The following ADGRL2 variants were observed in gnomAD, a reference collection of about 807,000 sequenced individuals.
ADGRL2 encodes adhesion G protein-coupled receptor L2.
Under a neutral mutation model 157.4 loss-of-function variants are expected in ADGRL2, and 44 were observed. The ratio of observed to expected loss-of-function variants is 0.28; its 90% CI spans 0.22 to 0.36. The LOEUF is 0.36. Among genes scored for constraint, ADGRL2 ranks in the 10% least tolerant of loss-of-function variants. ADGRL2 has a pLI of 1.00. For missense variants in ADGRL2, 1,510 were observed against 1,768.9 expected, an observed-to-expected ratio of 0.85 and a Z score of 2.63; for synonymous variants, 585 against 624.7, an observed-to-expected ratio of 0.94 and a Z score of 0.95.
Position 81,595,343 on chromosome 1 carries a change from G to A in ADGRL2, c.-143+14363G>A, listed in dbSNP as rs145485220. ...CTGTACCTTCCCAGTAAACATGGGA[G>A]TAATAACATTTAGAGAATTGAAAGA... On this transcript the variant is annotated intron_variant, in intron 3 of 24. Coordinates refer to the ADGRL2 transcript ENST00000370721. Among the ~76,000 whole-genome samples the A allele has an allele frequency of 8.5e-3, 1,302 of 152,314 alleles. 32 individuals carry two copies. The highest frequency in any genetic ancestry group is 0.03 in the African/African-American group (1,232 of 41,566).
intron 3 of ADGRL2, among the ~76,000 whole-genome samples, chr1:81,629,956 TA>T (rs1290524019): frequency 6.6e-6 from 1 of 151,890 alleles, no homozygotes; most frequent in East Asian, 1.9e-4. Context: ...TAGGACAGGC[TA>T]AAAACTTTGG....
At chr1:81,554,850 G>A (rs1359457418) in intron 2 of ADGRL2, among the ~76,000 whole-genome samples, 1 of 152,074 alleles carries the variant, frequency 6.6e-6, no homozygotes, top group Non-Finnish European at 1.5e-5. Flanking sequence ...AACAAAAAGA[G>A]AAAGACTATA....
rs116900586 is a variant in ADGRL2 at position 81,908,610 on chromosome 1, G to A, written c.287+1380G>A. On this transcript the variant is annotated intron_variant, in intron 3 of 23. Coordinates refer to ENST00000686636, the MANE Select transcript of ADGRL2 (RefSeq NM_001366006.2). ...TTTTCAGTTTATTTGGGCAAATAAA[G>A]TACAATTGCTGGATTGTATAGTATG... is the stretch of plus-strand genomic sequence containing the variant. Among the ~76,000 whole-genome samples the A allele has an allele frequency of 2.7e-4, 41 of 152,238 alleles. No individual in the cohort carries two copies. In the East Asian group the frequency reaches 6.2e-3, roughly 23 times the overall value.
chr1:81,581,212 A>G (rs1163786196), intron 3 of ADGRL2, among the ~76,000 whole-genome samples: 5 of 147,910 alleles, frequency 3.4e-5, no homozygotes, highest in Non-Finnish European at 7.7e-5. Flanking sequence ...CTTTGCAAGA[A>G]AAAAAGTTTA....
intron 1 of ADGRL2, among the ~76,000 whole-genome samples, chr1:81,413,939 C>A (rs928758291): frequency 7.2e-5 from 11 of 152,190 alleles, no homozygotes; most frequent in African/African-American, 2.4e-4. Context: ...CCTATTGCCA[C>A]TCTGTGTAGA....
chr1:81,575,818 G>T (rs534409793), intron 2 of ADGRL2, among the ~76,000 whole-genome samples: 1 of 152,004 alleles, frequency 6.6e-6, no homozygotes, highest in South Asian at 2.1e-4. Flanking sequence ...AAATAAATAC[G>T]CATAGTATCT....
At chr1:81,481,957 A>C (rs1263853525) in intron 2 of ADGRL2, among the ~76,000 whole-genome samples, 3 of 152,152 alleles carry the variant, frequency 2.0e-5, no homozygotes, top group African/African-American at 7.2e-5. Context: ...ATATCTATGT[A>C]CTCTATTGAC....
intron 2 of ADGRL2, among the ~76,000 whole-genome samples, chr1:81,474,764 C>G (rs562277535): frequency 1.3e-5 from 2 of 152,138 alleles, no homozygotes; most frequent in Non-Finnish European, 2.9e-5. Flanking sequence ...ATTTTTCAGT[C>G]AGTAAGATCC....
intron 2 of ADGRL2, among the ~76,000 whole-genome samples, chr1:81,472,349 T>C (rs899162851): frequency 6.6e-6 from 1 of 152,208 alleles, no homozygotes; most frequent in Non-Finnish European, 1.5e-5. Context: ...ATTTAGGCCG[T>C]GCACCATGGC....
chr1:81,383,808 C>CAA (rs56660027), intron 1 of ADGRL2, among the ~76,000 whole-genome samples: 25,258 of 104,080 alleles, frequency 0.24, 3,358 homozygotes, highest in Middle Eastern at 0.38. Flanking sequence ...ACTAAAAATA[C>CAA]AAAAAAAAAA....
intron 1 of ADGRL2, among the ~76,000 whole-genome samples, chr1:81,747,912 G>C (rs967814706): frequency 3.3e-5 from 5 of 152,078 alleles, no homozygotes; most frequent in African/African-American, 1.2e-4. Context: ...AAGACTAGGT[G>C]TAAGAAAGTA....
chr1:81,730,648 G>T (rs141805389), intron 1 of ADGRL2, among the ~76,000 whole-genome samples: 2,932 of 152,044 alleles, frequency 0.019, 43 homozygotes, highest in South Asian at 0.052. Context: ...GCTTGAACCT[G>T]GGAGGCAGAA....
At chr1:81,563,212 A>C (rs1161481427) in intron 2 of ADGRL2, among the ~76,000 whole-genome samples, 1 of 152,196 alleles carries the variant, frequency 6.6e-6, no homozygotes, top group Non-Finnish European at 1.5e-5. Flanking sequence ...AATCATTGTA[A>C]CTTGGCTTCA....
At chr1:81,872,608 T>C (rs1356283510) in intron 2 of ADGRL2, among the ~76,000 whole-genome samples, 1 of 152,128 alleles carries the variant, frequency 6.6e-6, no homozygotes, top group Non-Finnish European at 1.5e-5. Flanking sequence ...ACTGGACTTT[T>C]GTGTTTCAGT....
At chr1:81,578,429 T>G (rs573641043) in intron 2 of ADGRL2, among the ~76,000 whole-genome samples, 149 of 152,184 alleles carry the variant, frequency 9.8e-4, no homozygotes, top group Admixed American at 1.4e-3. Context: ...CTTATCTATA[T>G]TTTAATGTGT....
chr1:81,440,047 G>A (rs967760154), intron 1 of ADGRL2, among the ~76,000 whole-genome samples: 3 of 152,176 alleles, frequency 2.0e-5, no homozygotes, highest in Middle Eastern at 3.2e-3. Context: ...GGGTTTGCCA[G>A]TATGCAAAAA....
intron 1 of ADGRL2, among the ~76,000 whole-genome samples, chr1:81,719,341 A>G (rs571817638): frequency 6.6e-6 from 1 of 152,214 alleles, no homozygotes; most frequent in Non-Finnish European, 1.5e-5. Flanking sequence ...TTTGCTATGA[A>G]TTAAAGCTTC....
chr1:81,834,169 A>G (rs576712354), intron 1 of ADGRL2, among the ~76,000 whole-genome samples: 167 of 152,222 alleles, frequency 1.1e-3, no homozygotes, highest in African/African-American at 3.9e-3. Context: ...CTACACCTCT[A>G]CCCTCCCAGT....
chr1:81,479,063 A>G (rs888027890), intron 2 of ADGRL2, among the ~76,000 whole-genome samples: 3 of 152,164 alleles, frequency 2.0e-5, no homozygotes, highest in African/African-American at 7.2e-5. Flanking sequence ...TGTGTTTGAA[A>G]GTATTGTGTA....
Sources: allele counts gnomAD v4.1 joint callset (sites outside exome capture counted in the v4.1 genomes callset), GRCh38; gene constraint gnomAD v4.1.1; transcripts MANE v1.5; gene names NCBI Gene and HGNC (gene_info 2026-07-23, HGNC 2026-07-21).